The following RANBP3 variants were observed in gnomAD, a reference collection of about 807,000 sequenced individuals.
RANBP3 encodes RAN binding protein 3.
A neutral mutation model predicts 77.3 loss-of-function variants in RANBP3; 14 were observed. The ratio of observed to expected loss-of-function variants is 0.18; its 90% confidence interval spans 0.12 to 0.28. The LOEUF is 0.28. Ranked by LOEUF, RANBP3 falls within the 10% of genes least tolerant of loss-of-function variation. The probability of loss-of-function intolerance (pLI) is 1.00; values close to 1 mark genes in which losing one functional copy is unlikely to be tolerated. For missense variants in RANBP3, 586 were observed against 752.3 expected (o/e 0.78, Z 2.59); for synonymous variants, 315 against 312.4 (o/e 1.01, Z -0.09).
At chr19:5,964,441 T>C (rs2058439711) in intron 1 of RANBP3, among the ~76,000 whole-genome samples, 1 of 152,130 alleles carries the variant, frequency 6.6e-6, no homozygotes, top group Non-Finnish European at 1.5e-5. Flanking sequence ...TAATATTCCC[T>C]CAGCAATTCC....
In RANBP3 at chr19:5,921,286, T is replaced by C; in HGVS notation, c.1245A>G (p.Ser415=). 1 of 1,613,772 alleles carries C rather than the reference T, an allele frequency of 6.2e-7. No homozygotes were observed. The highest frequency in any genetic ancestry group is 8.5e-7 in the Non-Finnish European group (1 of 1,179,914). The change falls in exon 14 of 17, where the codon TCA becomes TCG. Residue 415 remains serine, a synonymous_variant. Coordinates refer to ENST00000340578, the MANE Select transcript of RANBP3 (RefSeq NM_007322.3). The surrounding 1 kb of genome is among the most constrained non-coding windows in gnomAD (Gnocchi z 5.3). ...QCKLFVFDKT[S]QSWVERGRGL... is the part of the protein sequence containing the mutation. ...CCCGGCCTCTCTCCACCCAGGACTG[T>C]GAGGTCTTGTCAAAGACAAACAGCT...
In RANBP3 at chr19:5,927,992, C is replaced by T. The variant is rs565829306; in HGVS notation, c.789G>A (p.Gly263=). 2.5e-6 allele frequency: 4 copies of T among 1,613,524 alleles called. No individual in the cohort carries two copies. Among genetic ancestry groups the T allele is most frequent in the Non-Finnish European group, 3.4e-6 (4 of 1,179,700 alleles). ...DPATQQAFVF[G]QNLRDRVKLI... ...CCTTAACTCTGTCCCTCAAGTTCTG[C>T]CCAAATACAAAGGCTTGCTGTGTGG... is the stretch of plus-strand genomic sequence containing the variant. Residue 263 remains glycine (G), a synonymous_variant, in exon 9 of 17, where the codon GGG becomes GGA. Coordinates refer to ENST00000340578, the MANE Select transcript of RANBP3 (RefSeq NM_007322.3).
intron 1 of RANBP3, among the ~76,000 whole-genome samples, chr19:5,965,362 C>T (rs1381258037): frequency 1.3e-5 from 2 of 152,138 alleles, no homozygotes; most frequent in East Asian, 3.9e-4. Context: ...CAACAGCCCA[C>T]ATGTGAGAGT....
chr19:5,938,810 GT>G (rs1384658089), intron 5 of RANBP3, among the ~76,000 whole-genome samples: 2 of 152,138 alleles, frequency 1.3e-5, no homozygotes, highest in African/African-American at 4.8e-5. Context: ...CTTCACAGGC[GT>G]TACCTTTGGG....
chr19:5,971,031 C>T (rs985567097), intron 1 of RANBP3, among the ~76,000 whole-genome samples: 3 of 152,178 alleles, frequency 2.0e-5, no homozygotes, highest in African/African-American at 7.2e-5. Context: ...TGAGGCTCTG[C>T]TAGCACATGC....
chr19:5,968,360 T>A (rs1171757596), intron 1 of RANBP3, among the ~76,000 whole-genome samples: 1 of 152,198 alleles, frequency 6.6e-6, no homozygotes, highest in Non-Finnish European at 1.5e-5. Flanking sequence ...ACAATGTACC[T>A]CTGGCACAAT....
intron 1 of RANBP3, among the ~76,000 whole-genome samples, chr19:5,965,521 C>T (rs1341368057): frequency 6.6e-6 from 1 of 152,024 alleles, no homozygotes; most frequent in Non-Finnish European, 1.5e-5. Context: ...TCAGAGGCAG[C>T]AAGGAGGGGA....
intron 14 of RANBP3, 72 bp from the exon 15 acceptor site, chr19:5,918,710 AAC>A (rs1378540414): frequency 6.4e-7 from 1 of 1,559,344 alleles, no homozygotes; most frequent in Non-Finnish European, 8.7e-7. Context: ...TCCAAGAGCC[AAC>A]ACAGTCCAGA....
chr19:5,964,319 C>G (rs747722909), intron 1 of RANBP3, among the ~76,000 whole-genome samples: 79 of 152,202 alleles, frequency 5.2e-4, no homozygotes, highest in Non-Finnish European at 1.9e-4. Flanking sequence ...CCTGCCCCCC[C>G]ACCTCCACCC....
intron 3 of RANBP3, among the ~76,000 whole-genome samples, chr19:5,948,129 G>A (rs997889536): frequency 6.6e-6 from 1 of 152,188 alleles, no homozygotes; most frequent in Admixed American, 6.5e-5. Context: ...CCTAGGAAAG[G>A]CCAGAAAGCA....
chr19:5,917,569 G>A lies in RANBP3; in HGVS notation c.*41C>T, dbSNP rs761319434. The A allele has an allele frequency of 3.9e-6, 6 of 1,540,652 alleles. No homozygotes were observed. Among genetic ancestry groups the A allele is most frequent in the African/African-American group, 1.4e-5 (1 of 73,438 alleles). ...GGGGCGGGTGGGCGGGTGGATAGAC[G>A]GACAAAGCAGCAGCCTGGTGTGCAG... On this transcript the variant is annotated 3_prime_UTR_variant, in exon 17 of 17. Transcript: ENST00000340578.
chr19:5,923,345 G>T (rs377066098), intron 12 of RANBP3, 42 bp from the exon 13 acceptor site: 1 of 1,573,950 alleles, frequency 6.4e-7, no homozygotes, highest in Non-Finnish European at 8.7e-7. Context: ...ATTATTTGGC[G>T]AGAGGAGAGC....
intron 2 of RANBP3, 30 bp from the exon 3 acceptor site, chr19:5,951,626 A>G (rs1348399280): frequency 6.3e-7 from 1 of 1,589,112 alleles, no homozygotes; most frequent in Non-Finnish European, 8.6e-7. Flanking sequence ...TTTTCCTTCA[A>G]TGTGAATAAA....
At chr19:5,922,486 G>T (rs1042588694) in intron 13 of RANBP3, among the ~76,000 whole-genome samples, 1 of 152,216 alleles carries the variant, frequency 6.6e-6, no homozygotes, top group Non-Finnish European at 1.5e-5. Context: ...CAGGAATGGG[G>T]GATGCCAGGA....
chr19:5,950,307 C>T (rs1011234216), intron 3 of RANBP3, among the ~76,000 whole-genome samples: 4 of 152,182 alleles, frequency 2.6e-5, no homozygotes, highest in Non-Finnish European at 4.4e-5. Flanking sequence ...TTTTGTGCCA[C>T]GAAGGCCACT....
At chr19:5,942,714 A>AC (rs1474581681) in intron 3 of RANBP3, among the ~76,000 whole-genome samples, 5 of 151,992 alleles carry the variant, frequency 3.3e-5, no homozygotes, top group Middle Eastern at 3.4e-3. Flanking sequence ...AAAAAAAAAA[A>AC]AAAAAACAAA....
intron 1 of RANBP3, among the ~76,000 whole-genome samples, chr19:5,972,740 G>A (rs903676340): frequency 6.6e-6 from 1 of 152,084 alleles, no homozygotes; most frequent in Non-Finnish European, 1.5e-5. Context: ...TAGGAGGGCA[G>A]AATTCAACCC....
intron 2 of RANBP3, among the ~76,000 whole-genome samples, chr19:5,955,623 C>T (rs145704834): frequency 2.0e-4 from 31 of 152,348 alleles, no homozygotes; most frequent in African/African-American, 7.0e-4. Flanking sequence ...ATTACTGTTC[C>T]ATCTTGCTGG....
chr19:5,929,398 C>A (rs993604961), intron 8 of RANBP3, among the ~76,000 whole-genome samples: 11 of 152,262 alleles, frequency 7.2e-5, no homozygotes, highest in African/African-American at 2.4e-4. Context: ...GTGCCCCCTG[C>A]TCACACCGAC....
Sources: allele counts gnomAD v4.1 joint callset (sites outside exome capture counted in the v4.1 genomes callset), GRCh38; gene constraint gnomAD v4.1.1; non-coding constraint Gnocchi (gnomAD v3.1); transcripts MANE v1.5; gene names NCBI Gene and HGNC (gene_info 2026-07-23, HGNC 2026-07-21).